The following ACCSL variants were observed in gnomAD, a reference collection of about 807,000 sequenced individuals.
ACCSL encodes 1-aminocyclopropane-1-carboxylate synthase homolog (inactive) like.
ACCSL carries 55 observed loss-of-function variants against 61.7 expected under a neutral mutation model. The ratio of observed to expected loss-of-function variants is 0.89; its 90% CI spans 0.72 to 1.12. The LOEUF (loss-of-function observed/expected upper bound fraction) is 1.12. Among genes scored for constraint, ACCSL ranks in the 50% most tolerant of loss-of-function variants. The pLI is 0.00. For missense variants in ACCSL, 632 were observed against 698.0 expected (o/e 0.91, Z 1.07); for synonymous variants, 258 against 264.3 (o/e 0.98, Z 0.23).
the ACCSL span, among the ~76,000 whole-genome samples, chr11:43,989,808 G>C: frequency 1.3e-5 from 2 of 152,200 alleles, no homozygotes; most frequent in African/African-American, 4.8e-5. Flanking sequence ...GCAGGGGTTG[G>C]GGGTGGAGTC....
At chr11:43,995,605 C>G in the ACCSL span, 13 of 152,740 alleles carry the variant, frequency 8.5e-5, no homozygotes, top group African/African-American at 3.1e-4. Context: ...AAGGCTAGGG[C>G]ACAGACAGGG....
At chr11:43,922,410 A>G in the ACCSL span, 1 of 152,232 alleles carries the variant, frequency 6.6e-6, no homozygotes, top group East Asian at 1.9e-4. Context: ...CCTGAGCCTC[A>G]GGGCTGGCTC....
the ACCSL span, among the ~76,000 whole-genome samples, chr11:43,985,078 T>C: frequency 6.6e-6 from 1 of 152,088 alleles, no homozygotes; most frequent in African/African-American, 2.4e-5. Context: ...ACTTAGCAAA[T>C]CCACGAGAGG....
At chr11:43,926,754 G>A in the ACCSL span, among the ~76,000 whole-genome samples, 1 of 152,232 alleles carries the variant, frequency 6.6e-6, no homozygotes, top group South Asian at 2.1e-4. Context: ...ACATTGGTGT[G>A]TGTGTGTTTG....
At chr11:43,979,400 C>A in the ACCSL span, among the ~76,000 whole-genome samples, 1 of 152,080 alleles carries the variant, frequency 6.6e-6, no homozygotes, top group East Asian at 1.9e-4. Flanking sequence ...GCCATAGTGG[C>A]ATTTGCATGG....
the ACCSL span, among the ~76,000 whole-genome samples, chr11:43,981,303 A>G: frequency 0.092 from 13,953 of 151,930 alleles, 662 homozygotes; most frequent in South Asian, 0.11. Context: ...AGAGGGCACA[A>G]CTCCCTGGCA....
the ACCSL span, among the ~76,000 whole-genome samples, chr11:43,980,182 A>G: frequency 6.6e-6 from 1 of 152,184 alleles, no homozygotes; most frequent in African/African-American, 2.4e-5. Context: ...GTTTGAATAT[A>G]CCATAGTTTA....
chr11:43,986,877 T>A, the ACCSL span, among the ~76,000 whole-genome samples: 1,243 of 152,260 alleles, frequency 8.2e-3, 12 homozygotes, highest in East Asian at 0.029. Flanking sequence ...CCCAATAAAC[T>A]TTTGTTAATG....
At chr11:43,974,291 C>G in the ACCSL span, among the ~76,000 whole-genome samples, 2 of 152,266 alleles carry the variant, frequency 1.3e-5, no homozygotes, top group East Asian at 3.9e-4. Flanking sequence ...AAAATTCACT[C>G]CACACCTCTT....
At chr11:44,023,906 G>A in the ACCSL span, among the ~76,000 whole-genome samples, 1 of 152,086 alleles carries the variant, frequency 6.6e-6, no homozygotes. Flanking sequence ...ATTTAATCCA[G>A]TGGTTATTGA....
the ACCSL span, among the ~76,000 whole-genome samples, chr11:43,997,435 G>C: frequency 2.0e-5 from 3 of 152,182 alleles, no homozygotes; most frequent in African/African-American, 7.2e-5. Context: ...TGTGTTGGCT[G>C]AGGATTCAGC....
the ACCSL span, among the ~76,000 whole-genome samples, chr11:44,011,669 A>G: frequency 6.6e-6 from 1 of 152,126 alleles, no homozygotes; most frequent in Non-Finnish European, 1.5e-5. Context: ...CTCCTCCCCA[A>G]CCAAAAAAAT....
At chr11:43,962,269 A>G in the ACCSL span, among the ~76,000 whole-genome samples, 2 of 152,214 alleles carry the variant, frequency 1.3e-5, no homozygotes, top group Admixed American at 6.5e-5. Flanking sequence ...TCTTGGACAA[A>G]TAATAGGTGA....
At chr11:44,051,287 G>A in intron 3 of ACCSL, 48 bp from the exon 4 acceptor site, 1 of 1,598,400 alleles carries the variant, frequency 6.3e-7, no homozygotes, top group Non-Finnish European at 8.6e-7. Context: ...GACCATGAGT[G>A]AGGAAAGGGG....
chr11:43,971,090 T>A, the ACCSL span, among the ~76,000 whole-genome samples: 1 of 152,102 alleles, frequency 6.6e-6, no homozygotes, highest in Non-Finnish European at 1.5e-5. Flanking sequence ...TTCAGCACTT[T>A]GGGAGGCCGA....
At chr11:44,003,420 A>G in the ACCSL span, among the ~76,000 whole-genome samples, 1 of 152,170 alleles carries the variant, frequency 6.6e-6, no homozygotes, top group Non-Finnish European at 1.5e-5. Flanking sequence ...TGGGAGGCTG[A>G]GGTGGGTGGG....
chr11:43,979,871 G>GA, the ACCSL span, among the ~76,000 whole-genome samples: 59,147 of 138,754 alleles, frequency 0.43, 12,589 homozygotes, highest in East Asian at 0.45. Flanking sequence ...AAAAAGAAAA[G>GA]AAAAAAAAAT....
At chr11:44,053,593 T>C (rs1029848088) in intron 8 of ACCSL, 87 bp downstream of exon 8, 1 of 1,259,010 alleles carries the variant, frequency 7.9e-7, no homozygotes, top group African/African-American at 1.5e-5. Flanking sequence ...CCAGATCTGG[T>C]GGCACATGCC....
chr11:44,045,000 A>C (rs566042602), upstream of ACCSL, among the ~76,000 whole-genome samples: 1 of 152,314 alleles, frequency 6.6e-6, no homozygotes, highest in South Asian at 2.1e-4. Context: ...CAGACAACTT[A>C]GGGCTGAGGA....
Sources: gnomAD v4.1 joint callset for allele counts (sites outside exome capture counted in the v4.1 genomes callset) on GRCh38, gnomAD v4.1.1 for gene constraint, MANE v1.5 for transcripts, NCBI Gene and HGNC (gene_info 2026-07-23, HGNC 2026-07-21) for gene names.